EXOC6: variants seen among roughly 807,000 people sequenced by gnomAD.
The protein encoded by EXOC6 is SEC15-like 1.
A neutral mutation model predicts 112.5 loss-of-function variants in EXOC6; 60 were observed. The ratio of observed to expected loss-of-function variants is 0.53; its 90% CI spans 0.43 to 0.66. The LOEUF is 0.66. Ranked by LOEUF, EXOC6 falls within the 30% of genes least tolerant of loss-of-function variation. The pLI is 0.00. For synonymous variants in EXOC6, 295 were observed against 308.0 expected, an observed-to-expected ratio of 0.96 and a Z score of 0.44; for missense variants, 855 against 957.1, an observed-to-expected ratio of 0.89 and a Z score of 1.41.
intron 17 of EXOC6, among the ~76,000 whole-genome samples, chr10:92,971,765 AGTTTTT>A (rs1345475559): frequency 1.3e-5 from 2 of 151,604 alleles, no homozygotes; most frequent in Non-Finnish European, 2.9e-5. Flanking sequence ...TTTGTTCTTA[AGTTTTT>A]GTCTTATAAG....
chr10:92,909,107 TA>T (rs2133869197), intron 5 of EXOC6, among the ~76,000 whole-genome samples: 1 of 152,338 alleles, frequency 6.6e-6, no homozygotes, highest in East Asian at 1.9e-4. Context: ...CTAGATGTTA[TA>T]ATTCACAAGT....
At chr10:92,850,502 A>G (rs2035524171) in intron 1 of EXOC6, among the ~76,000 whole-genome samples, 1 of 152,118 alleles carries the variant, frequency 6.6e-6, no homozygotes, top group African/African-American at 2.4e-5. Flanking sequence ...TTAAGCTACT[A>G]CTATTTTTTC....
intron 15 of EXOC6, 149 bp downstream of exon 15, chr10:92,952,531 G>A (rs530028416): frequency 3.2e-6 from 2 of 632,350 alleles, no homozygotes; most frequent in South Asian, 1.9e-5. Context: ...GTAATGCTGA[G>A]ATTTGGGGTA....
intron 1 of EXOC6, among the ~76,000 whole-genome samples, chr10:92,867,702 T>C (rs1016850528): frequency 6.6e-6 from 1 of 152,200 alleles, no homozygotes; most frequent in Admixed American, 6.5e-5. Context: ...GGAATCAGTA[T>C]GATGTTACAA....
intron 13 of EXOC6, 91 bp downstream of exon 13, chr10:92,940,915 A>G (rs1852630470): frequency 3.6e-6 from 3 of 841,000 alleles, no homozygotes. Flanking sequence ...AATGCTTATA[A>G]TCATTTTTAT....
chr10:92,907,068 C>G (rs560861986), intron 5 of EXOC6, among the ~76,000 whole-genome samples: 1 of 152,202 alleles, frequency 6.6e-6, no homozygotes, highest in East Asian at 1.9e-4. Flanking sequence ...AAATGATAAA[C>G]TTTCTATATA....
chr10:93,041,394 ATTTATT>A (rs1845769371), intron 20 of EXOC6, among the ~76,000 whole-genome samples: 1 of 151,922 alleles, frequency 6.6e-6, no homozygotes, highest in Non-Finnish European at 1.5e-5. Context: ...TTGTTTGTTT[ATTTATT>A]TATTTATTTG....
At chr10:92,841,689 T>C (rs1050660421) in intron 1 of EXOC6, among the ~76,000 whole-genome samples, 3 of 152,170 alleles carry the variant, frequency 2.0e-5, no homozygotes, top group Non-Finnish European at 4.4e-5. Flanking sequence ...TTTAAAAACA[T>C]TTTTATGTTT....
chr10:92,987,654 T>A (rs1171638914), intron 18 of EXOC6: 1 of 981,504 alleles, frequency 1.0e-6, no homozygotes, highest in East Asian at 1.1e-4. Context: ...TAAGTAGATA[T>A]AAACTAAAGC....
In EXOC6 at chr10:92,909,468, T is replaced by A; in HGVS notation, c.500T>A (p.Val167Glu). The change falls in exon 6 of 22, where the codon GTG (valine) becomes GAG (glutamate). Residue 167 changes from valine (V) to glutamate (E), a missense_variant. By Grantham distance (121) the Val-to-Glu change is moderately radical. Transcript: ENST00000260762. ...ALKTMEQLEN[V>E]YFPWVSQYRF... ...AAAACTATGGAACAATTAGAGAATG[T>A]GTACTTTCCCTGGGTTAGTCAATAC... The A allele has an allele frequency of 6.2e-7, 1 of 1,613,576 alleles. No individual in the cohort carries two copies. Among genetic ancestry groups the A allele is most frequent in the Non-Finnish European group, 8.5e-7 (1 of 1,179,682 alleles).
upstream of EXOC6, among the ~76,000 whole-genome samples, chr10:92,847,835 C>CTTTTTTT (rs3078184): frequency 1.1e-5 from 1 of 93,656 alleles, no homozygotes; most frequent in Non-Finnish European, 2.0e-5. Flanking sequence ...CGCCCTGGGC[C>CTTTTTTT]TTTTTTTTTT....
At chr10:92,944,147 GTCGAT>G (rs1852833625) in intron 13 of EXOC6, among the ~76,000 whole-genome samples, 1 of 151,988 alleles carries the variant, frequency 6.6e-6, no homozygotes, top group Non-Finnish European at 1.5e-5. Flanking sequence ...CCATTCAAAG[GTCGAT>G]TCCGTATTTT....
intron 2 of EXOC6, 51 bp downstream of exon 2, chr10:92,893,571 GTCT>G (rs1207454567): frequency 2.1e-6 from 3 of 1,451,936 alleles, no homozygotes; most frequent in East Asian, 4.6e-5. Context: ...AATTACTCAA[GTCT>G]TAGTTGATAG....
Position 93,045,418 on chromosome 10 carries a change from A to G in EXOC6, c.2170-11506A>G, listed in dbSNP as rs546482187. ...GCACTTAGATTCTTTTGAATTTAGA[A>G]AAACTAGTTATTCTCTTCCCTCGTG... On this transcript the variant is annotated intron_variant, in intron 20 of 21. Coordinates refer to ENST00000260762, the MANE Select transcript of EXOC6 (RefSeq NM_019053.6). 1.4e-3 allele frequency among the ~76,000 whole-genome samples: 219 copies of G among 152,344 alleles called. 1 individual carries two copies. The highest frequency in any genetic ancestry group is 1.7e-3 in the Non-Finnish European group (118 of 68,028).
Position 92,921,654 on chromosome 10 carries a change from T to C in EXOC6, c.888+1604T>C, listed in dbSNP as rs547865530. 4.2e-4 allele frequency among the ~76,000 whole-genome samples: 63 copies of C among 150,816 alleles called. No individual in the cohort carries two copies. In the South Asian group the frequency reaches 4.8e-3, roughly 11 times the overall value. On this transcript the variant is annotated intron_variant, in intron 8 of 21. Coordinates refer to ENST00000260762, the MANE Select transcript of EXOC6 (RefSeq NM_019053.6). Reference sequence around the variant, plus strand: ...GTGCTATTGTTTTCTTTCTTTCTTTTTTTTTTTTTTTGAGATAGGGTCTTG... The same window carrying C: ...GTGCTATTGTTTTCTTTCTTTCTTTCTTTTTTTTTTTGAGATAGGGTCTTG...
chr10:92,832,427 G>A (rs1440813276), upstream of EXOC6, among the ~76,000 whole-genome samples: 5 of 152,070 alleles, frequency 3.3e-5, no homozygotes, highest in African/African-American at 9.7e-5. Flanking sequence ...ACAGGCGTCC[G>A]CCACCACAGC....
chr10:92,861,444 G>T (rs921682106), intron 1 of EXOC6, among the ~76,000 whole-genome samples: 66 of 152,166 alleles, frequency 4.3e-4, no homozygotes, highest in Non-Finnish European at 1.9e-4. Context: ...CTGTGGTATA[G>T]CCTCTGTTCT....
At chr10:92,942,784 C>G (rs1385928046) in intron 13 of EXOC6, among the ~76,000 whole-genome samples, 1 of 152,062 alleles carries the variant, frequency 6.6e-6, no homozygotes, top group Non-Finnish European at 1.5e-5. Context: ...GCCAGCTATT[C>G]TCTCTTACCT....
At chr10:92,945,600 G>A (rs7089179) in intron 13 of EXOC6, among the ~76,000 whole-genome samples, 119,208 of 152,204 alleles carry the variant, frequency 0.78, 47,951 homozygotes, top group East Asian at 1. Flanking sequence ...TGTGCCTTTC[G>A]TTAAATTATC....
Sources: gnomAD v4.1 joint callset for allele counts (sites outside exome capture counted in the v4.1 genomes callset) on GRCh38, gnomAD v4.1.1 for gene constraint, MANE v1.5 for transcripts, NCBI Gene and HGNC (gene_info 2026-07-23, HGNC 2026-07-21) for gene names.